RAD51B: variants seen among roughly 807,000 people sequenced by gnomAD.
RAD51B encodes DNA repair protein RAD51 homolog 2.
Under a neutral mutation model 42.2 loss-of-function variants are expected in RAD51B, and 38 were observed. That is an observed-to-expected ratio of 0.90 (90% confidence interval 0.70 to 1.18). RAD51B has a LOEUF of 1.18. Among genes scored for constraint, RAD51B ranks in the 50% most tolerant of loss-of-function variants. The probability of loss-of-function intolerance (pLI) is 0.00; values close to 1 mark genes in which losing one functional copy is unlikely to be tolerated. For missense variants in RAD51B, 373 were observed against 400.7 expected (o/e 0.93, Z 0.59); for synonymous variants, 154 against 145.2 (o/e 1.06, Z -0.43).
At chr14:68,613,773 G>T (rs1198619508), downstream of RAD51B, among the ~76,000 whole-genome samples, 1 of 152,138 alleles carries the variant, frequency 6.6e-6, no homozygotes, top group East Asian at 1.9e-4. Context: ...TCCTTAAATG[G>T]CTAAGAGCCT....
At chr14:67,987,928 T>C (rs116376663) in intron 7 of RAD51B, among the ~76,000 whole-genome samples, 1,578 of 152,378 alleles carry the variant, frequency 0.01, 27 homozygotes, top group African/African-American at 0.036. Context: ...GAGGTTTTTC[T>C]GTAATGCCGA....
In RAD51B at chr14:67,867,126, TC is replaced by T. The variant is rs778059953; in HGVS notation, c.452+1988del. ...CCGATATATATGCCAGATTTGGCAT[TC>T]TTATACTACCTTCTAGTTTGTCATG... is the stretch of plus-strand genomic sequence containing the variant. On this transcript the variant is annotated intron_variant, in intron 5 of 10. Coordinates refer to ENST00000471583, the MANE Select transcript of RAD51B (RefSeq NM_133510.4). Among the ~76,000 whole-genome samples, 51 of 152,210 alleles carry T rather than the reference TC, an allele frequency of 3.4e-4. 1 individual carries two copies. The highest frequency in any genetic ancestry group is 2.5e-3 in the Admixed American group (38 of 15,278).
chr14:68,354,853 G>A (rs926202507), intron 8 of RAD51B, among the ~76,000 whole-genome samples: 2 of 152,138 alleles, frequency 1.3e-5, no homozygotes, highest in African/African-American at 4.8e-5. Flanking sequence ...AGTGGACTCA[G>A]GACAGAATTT....
intron 9 of RAD51B, among the ~76,000 whole-genome samples, chr14:68,426,750 G>A (rs1357077694): frequency 6.6e-6 from 1 of 152,172 alleles, no homozygotes; most frequent in African/African-American, 2.4e-5. Flanking sequence ...ATTTGATAAG[G>A]AGATTAGTAT....
At chr14:68,109,543 G>C (rs972027064) in intron 7 of RAD51B, among the ~76,000 whole-genome samples, 1 of 151,984 alleles carries the variant, frequency 6.6e-6, no homozygotes, top group Non-Finnish European at 1.5e-5. Flanking sequence ...TTTTCCATTA[G>C]CATTCCCAGT....
intron 7 of RAD51B, among the ~76,000 whole-genome samples, chr14:67,897,872 G>A (rs1220911770): frequency 2.0e-5 from 3 of 151,996 alleles, no homozygotes; most frequent in African/African-American, 7.2e-5. Flanking sequence ...GGCTGATCTC[G>A]AACTCCTGAC....
At chr14:68,595,264 T>G (rs1890942118) in exon 11 of RAD51B, 1 of 1,061,722 alleles carries the variant, frequency 9.4e-7, no homozygotes, top group Non-Finnish European at 1.1e-6. Flanking sequence ...TCCAGTTGCT[T>G]CTACAGGTTT....
intron 9 of RAD51B, among the ~76,000 whole-genome samples, chr14:68,431,015 G>A (rs184635372): frequency 2.0e-5 from 3 of 152,138 alleles, no homozygotes; most frequent in African/African-American, 7.2e-5. Flanking sequence ...TAATCATGTG[G>A]TTTTTGTCTT....
At chr14:68,143,985 T>C (rs1210639605) in intron 7 of RAD51B, among the ~76,000 whole-genome samples, 2 of 152,196 alleles carry the variant, frequency 1.3e-5, no homozygotes, top group African/African-American at 2.4e-5. Context: ...CCTTTTTGTC[T>C]GTGAACATCC....
intron 10 of RAD51B, chr14:68,563,753 CT>C: frequency 1.0e-6 from 1 of 985,288 alleles, no homozygotes; most frequent in Non-Finnish European, 1.2e-6. Flanking sequence ...GGGGAGAGGA[CT>C]GTATAAACTC....
intron 7 of RAD51B, among the ~76,000 whole-genome samples, chr14:67,915,720 A>G (rs977594083): frequency 1.3e-5 from 2 of 152,232 alleles, no homozygotes; most frequent in South Asian, 4.1e-4. Flanking sequence ...ATCAAATTAC[A>G]TACTCAAGAG....
At position 67,861,649 on chromosome 14, in the gene RAD51B, C is replaced by T. The variant is rs79176797; in HGVS notation, c.316-3354C>T. Among the ~76,000 whole-genome samples the T allele has an allele frequency of 9.0e-3, 1,364 of 151,612 alleles. 21 individuals carry two copies. Among genetic ancestry groups the T allele is most frequent in the African/African-American group, 0.031 (1,289 of 41,326 alleles). On this transcript the variant is annotated intron_variant, in intron 4 of 10. Coordinates refer to ENST00000471583, the MANE Select transcript of RAD51B (RefSeq NM_133510.4). ...AGACAAGAGATGTCAAATTTGCTGACCCTTTTTTGTATGACAAGTGACTAT... is the reference window on the plus strand; with the variant it reads ...AGACAAGAGATGTCAAATTTGCTGATCCTTTTTTGTATGACAAGTGACTAT...
intron 7 of RAD51B, among the ~76,000 whole-genome samples, chr14:68,146,567 C>A (rs896040653): frequency 1.3e-5 from 2 of 152,116 alleles, no homozygotes; most frequent in Admixed American, 1.3e-4. Flanking sequence ...AGGGAAGGAC[C>A]TTAAGGAACT....
intron 10 of RAD51B, among the ~76,000 whole-genome samples, chr14:68,520,309 C>A (rs1337272660): frequency 2.6e-5 from 4 of 152,112 alleles, no homozygotes; most frequent in Admixed American, 1.3e-4. Flanking sequence ...TAATCCAAAG[C>A]CACATGTAAA....
exon 11 of RAD51B, chr14:68,611,257 G>A: frequency 2.8e-6 from 2 of 702,266 alleles, no homozygotes; most frequent in Non-Finnish European, 5.2e-6. Context: ...ACCCAGCCTA[G>A]TTTTTCACCA....
intron 7 of RAD51B, among the ~76,000 whole-genome samples, chr14:68,198,589 G>C (rs957626756): frequency 6.6e-6 from 1 of 152,056 alleles, no homozygotes; most frequent in African/African-American, 2.4e-5. Flanking sequence ...TCTCCCAATT[G>C]ATTAGGTCTC....
chr14:68,448,963 A>G (rs2085488986), intron 9 of RAD51B, among the ~76,000 whole-genome samples: 1 of 152,202 alleles, frequency 6.6e-6, no homozygotes, highest in Non-Finnish European at 1.5e-5. Context: ...GGCTTTTTCT[A>G]TGCATATATC....
intron 10 of RAD51B, chr14:68,540,633 C>A: frequency 1.0e-6 from 1 of 985,332 alleles, no homozygotes; most frequent in Non-Finnish European, 1.2e-6. Flanking sequence ...AGAAAGTCAC[C>A]TGGGGAGACC....
chr14:68,382,748 C>T (rs1404327785), intron 8 of RAD51B, among the ~76,000 whole-genome samples: 1 of 152,148 alleles, frequency 6.6e-6, no homozygotes, highest in East Asian at 1.9e-4. Context: ...TGTATCCTGG[C>T]TACTCTAAAA....
Sources: allele counts gnomAD v4.1 joint callset (sites outside exome capture counted in the v4.1 genomes callset), GRCh38; gene constraint gnomAD v4.1.1; transcripts MANE v1.5; gene names NCBI Gene and HGNC (gene_info 2026-07-23, HGNC 2026-07-21).